AKAP19: variants seen among roughly 807,000 people sequenced by gnomAD.
The protein encoded by AKAP19 is A-kinase anchoring protein 19, also known as small A-kinase anchoring protein.
chr2:189,898,065 C>T, the AKAP19 span, among the ~76,000 whole-genome samples: 1 of 151,972 alleles, frequency 6.6e-6, no homozygotes, highest in Non-Finnish European at 1.5e-5. Flanking sequence ...AAAAATTAGC[C>T]TCCCATGGTA....
chr2:189,921,665 T>C, the AKAP19 span, among the ~76,000 whole-genome samples: 1 of 152,202 alleles, frequency 6.6e-6, no homozygotes, highest in African/African-American at 2.4e-5. Context: ...AATGGGAATG[T>C]TTCAATAGAG....
chr2:190,038,905 TTCTTCTTCTTCTTCTTCTTCTTCTTC>T, the AKAP19 span, among the ~76,000 whole-genome samples: 1 of 82,876 alleles, frequency 1.2e-5, no homozygotes, highest in Non-Finnish European at 2.6e-5. Flanking sequence ...TCTTTCTTTC[TTCTTCTTCTTCTTCTTCTTCTTCTTC>T]TTCTTCTTCT....
chr2:189,957,907 C>T, the AKAP19 span, among the ~76,000 whole-genome samples: 50 of 152,254 alleles, frequency 3.3e-4, no homozygotes, highest in African/African-American at 1.2e-3. Context: ...AATTTTCCTG[C>T]CTTGGCCTCC....
At chr2:190,026,080 G>T in the AKAP19 span, among the ~76,000 whole-genome samples, 1 of 152,064 alleles carries the variant, frequency 6.6e-6, no homozygotes, top group South Asian at 2.1e-4. Context: ...CAGCTCATTT[G>T]TCATTAAACA....
At chr2:190,184,992 G>C in the AKAP19 span, among the ~76,000 whole-genome samples, 1 of 152,172 alleles carries the variant, frequency 6.6e-6, no homozygotes, top group Non-Finnish European at 1.5e-5. Flanking sequence ...GATCATGAAA[G>C]AACTATGAAA....
the AKAP19 span, among the ~76,000 whole-genome samples, chr2:190,053,568 T>C: frequency 6.6e-6 from 1 of 152,156 alleles, no homozygotes; most frequent in Non-Finnish European, 1.5e-5. Flanking sequence ...CTTTGATACG[T>C]TTTGCAGTGT....
chr2:190,037,038 A>G, the AKAP19 span, among the ~76,000 whole-genome samples: 2 of 152,372 alleles, frequency 1.3e-5, no homozygotes, highest in East Asian at 3.9e-4. Context: ...CTTTATTTTC[A>G]GAGAAGGCCA....
the AKAP19 span, chr2:190,199,623 T>G: frequency 1.1e-6 from 1 of 932,240 alleles, no homozygotes; most frequent in African/African-American, 1.6e-5. Context: ...GATGAAAGGA[T>G]TTTTACATGC....
At chr2:189,959,170 A>G in the AKAP19 span, among the ~76,000 whole-genome samples, 1 of 152,048 alleles carries the variant, frequency 6.6e-6, no homozygotes, top group Non-Finnish European at 1.5e-5. Flanking sequence ...TCAACATTTA[A>G]TAAAAATTAT....
At chr2:189,978,246 C>T in the AKAP19 span, among the ~76,000 whole-genome samples, 325 of 152,304 alleles carry the variant, frequency 2.1e-3, no homozygotes, top group Non-Finnish European at 3.1e-3. Flanking sequence ...CCCATCTCTT[C>T]TTCCCTCCTT....
chr2:189,974,068 TGTTAGG>T, the AKAP19 span, among the ~76,000 whole-genome samples: 1 of 152,190 alleles, frequency 6.6e-6, no homozygotes, highest in Non-Finnish European at 1.5e-5. Flanking sequence ...TTAATTGTGA[TGTTAGG>T]GTGTCAATTT....
At chr2:190,111,079 A>G in the AKAP19 span, among the ~76,000 whole-genome samples, 1 of 152,162 alleles carries the variant, frequency 6.6e-6, no homozygotes, top group South Asian at 2.1e-4. Flanking sequence ...AGGGCAGGTG[A>G]TTTACTCTTC....
At chr2:190,134,360 AT>A in the AKAP19 span, among the ~76,000 whole-genome samples, 1 of 152,190 alleles carries the variant, frequency 6.6e-6, no homozygotes, top group Non-Finnish European at 1.5e-5. Context: ...AAAATAAACT[AT>A]ACAAATTGAG....
the AKAP19 span, among the ~76,000 whole-genome samples, chr2:189,946,392 T>C: frequency 6.6e-6 from 1 of 152,190 alleles, no homozygotes; most frequent in Non-Finnish European, 1.5e-5. Flanking sequence ...GGAGGATTAC[T>C]TGAGGCCAGA....
At chr2:189,979,579 G>A in the AKAP19 span, among the ~76,000 whole-genome samples, 1 of 152,124 alleles carries the variant, frequency 6.6e-6, no homozygotes, top group Non-Finnish European at 1.5e-5. Flanking sequence ...ATAGATACAT[G>A]AGACTTAATT....
chr2:189,962,935 T>A, the AKAP19 span, among the ~76,000 whole-genome samples: 2 of 152,112 alleles, frequency 1.3e-5, no homozygotes, highest in African/African-American at 4.8e-5. Flanking sequence ...TTTTGGATGC[T>A]GTTTGATAGC....
At chr2:190,143,449 G>A in the AKAP19 span, among the ~76,000 whole-genome samples, 1 of 152,172 alleles carries the variant, frequency 6.6e-6, no homozygotes, top group South Asian at 2.1e-4. Flanking sequence ...AGCCTTCCTT[G>A]GCAAATGAAA....
chr2:190,195,944 T>TTC, the AKAP19 span, among the ~76,000 whole-genome samples: 11 of 140,474 alleles, frequency 7.8e-5, no homozygotes, highest in Admixed American at 7.7e-4. Context: ...TGTCCAGCTT[T>TTC]TTTTTTTTTT....
chr2:190,128,488 G>A, the AKAP19 span, among the ~76,000 whole-genome samples: 2 of 152,212 alleles, frequency 1.3e-5, no homozygotes, highest in Admixed American at 6.5e-5. Context: ...AACGGAGAAG[G>A]AGAGGGAGTG....
Sources: gnomAD v4.1 joint callset for allele counts (sites outside exome capture counted in the v4.1 genomes callset) on GRCh38, gnomAD v4.1.1 for gene constraint, MANE v1.5 for transcripts, NCBI Gene and HGNC (gene_info 2026-07-23, HGNC 2026-07-21) for gene names.